The following IGFL2 variants were observed in gnomAD, a reference collection of about 807,000 sequenced individuals.
IGFL2 encodes the protein insulin growth factor-like family member 2.
In IGFL2, 7 loss-of-function variants were observed where a neutral mutation model predicts 13.9. That is an observed-to-expected ratio of 0.51 (90% CI 0.29 to 0.95). IGFL2 has a LOEUF of 0.95. IGFL2 is among the 40% of genes least tolerant of loss of function. The pLI, the probability that IGFL2 is intolerant of heterozygous loss-of-function variation, is 0.08. For missense variants in IGFL2, 138 were observed against 147.8 expected (o/e 0.93, Z 0.34); for synonymous variants, 55 against 55.8 (o/e 0.99, Z 0.07).
At chr19:46,174,643 C>T in the IGFL2 span, among the ~76,000 whole-genome samples, 13 of 152,138 alleles carry the variant, frequency 8.5e-5, no homozygotes, top group African/African-American at 2.9e-4. Flanking sequence ...ATAGGAAAGA[C>T]GTTTCCCCAG....
chr19:46,086,897 C>G, the IGFL2 span, among the ~76,000 whole-genome samples: 1 of 152,090 alleles, frequency 6.6e-6, no homozygotes, highest in African/African-American at 2.4e-5. Flanking sequence ...CTATAAACAG[C>G]ATCAGTGGTG....
At chr19:46,112,938 C>T in the IGFL2 span, 6 of 152,266 alleles carry the variant, frequency 3.9e-5, no homozygotes, top group African/African-American at 1.4e-4. Context: ...CTTCAAAACA[C>T]TTGTAAGTTT....
chr19:46,086,905 G>T, the IGFL2 span, among the ~76,000 whole-genome samples: 1 of 152,162 alleles, frequency 6.6e-6, no homozygotes, highest in African/African-American at 2.4e-5. Flanking sequence ...AGCATCAGTG[G>T]TGTCTTTCAT....
the IGFL2 span, chr19:46,113,253 C>T: frequency 7.8e-3 from 1,804 of 230,776 alleles, 26 homozygotes; most frequent in African/African-American, 0.036. Flanking sequence ...AAAATGAAGA[C>T]CTAGTACTCA....
At chr19:46,141,061 C>A (rs991172589), upstream of IGFL2, among the ~76,000 whole-genome samples, 1 of 152,110 alleles carries the variant, frequency 6.6e-6, no homozygotes, top group African/African-American at 2.4e-5. Flanking sequence ...TTTATCAGAG[C>A]CTAAGTGACC....
chr19:46,212,521 C>G, the IGFL2 span: 1 of 152,014 alleles, frequency 6.6e-6, no homozygotes, highest in Admixed American at 6.5e-5. Context: ...TCTGTTTTTT[C>G]GTCCTGACCC....
the IGFL2 span, among the ~76,000 whole-genome samples, chr19:46,079,712 A>C: frequency 6.6e-6 from 1 of 150,676 alleles, no homozygotes; most frequent in East Asian, 2.0e-4. Context: ...GAAACTTTTC[A>C]TGGTGGATGA....
At chr19:46,096,001 G>A in the IGFL2 span, among the ~76,000 whole-genome samples, 1 of 152,108 alleles carries the variant, frequency 6.6e-6, no homozygotes, top group Non-Finnish European at 1.5e-5. Context: ...TGGCTATATG[G>A]GCTCTTTTTT....
the IGFL2 span, among the ~76,000 whole-genome samples, chr19:46,126,541 A>T: frequency 3.3e-5 from 5 of 152,128 alleles, no homozygotes; most frequent in Non-Finnish European, 7.4e-5. Flanking sequence ...AAAATGTGAT[A>T]CTCTTCATCT....
upstream of IGFL2, among the ~76,000 whole-genome samples, chr19:46,141,327 C>T (rs775722797): frequency 2.6e-4 from 39 of 152,224 alleles, no homozygotes; most frequent in South Asian, 4.2e-4. Flanking sequence ...AATAGTGTGC[C>T]GGAAAACGCT....
the IGFL2 span, chr19:46,195,885 C>T: frequency 1.3e-5 from 2 of 152,488 alleles, no homozygotes; most frequent in East Asian, 3.9e-4. Flanking sequence ...CGTGTCTCGA[C>T]TCTAGACTCA....
At chr19:46,187,498 G>A in the IGFL2 span, among the ~76,000 whole-genome samples, 1 of 141,404 alleles carries the variant, frequency 7.1e-6, no homozygotes, top group South Asian at 2.4e-4. Context: ...CTGAGGTTGT[G>A]CTGCTGGTGT....
chr19:46,079,995 A>T, the IGFL2 span, among the ~76,000 whole-genome samples: 2 of 151,994 alleles, frequency 1.3e-5, no homozygotes, highest in African/African-American at 4.8e-5. Context: ...TAACCGTGAT[A>T]AGTTGGAAAA....
the IGFL2 span, among the ~76,000 whole-genome samples, chr19:46,176,224 T>C: frequency 6.7e-6 from 1 of 149,212 alleles, no homozygotes; most frequent in African/African-American, 2.5e-5. Context: ...AAGGATCCAA[T>C]TGGATGACTA....
At chr19:46,186,457 A>G in the IGFL2 span, among the ~76,000 whole-genome samples, 19 of 152,294 alleles carry the variant, frequency 1.2e-4, no homozygotes, top group East Asian at 3.7e-3. Context: ...ACCCCATGCT[A>G]TTGTGGAATA....
chr19:46,110,372 A>G, the IGFL2 span, among the ~76,000 whole-genome samples: 1 of 152,228 alleles, frequency 6.6e-6, no homozygotes, highest in Non-Finnish European at 1.5e-5. Flanking sequence ...GATTCCTGCA[A>G]CAACACAATC....
upstream of IGFL2, chr19:46,142,975 C>G (rs1972925456): frequency 6.6e-6 from 1 of 152,210 alleles, no homozygotes; most frequent in Non-Finnish European, 1.5e-5. Flanking sequence ...CATTTAACTC[C>G]TATAAATGCA....
At chr19:46,135,839 C>T in the IGFL2 span, among the ~76,000 whole-genome samples, 86 of 152,314 alleles carry the variant, frequency 5.6e-4, 1 homozygote, top group South Asian at 0.016. Flanking sequence ...TCTTGGCTTC[C>T]AGACTTCACC....
At chr19:46,148,154 T>A, upstream of IGFL2, 1 of 769,024 alleles carries the variant, frequency 1.3e-6, no homozygotes, top group South Asian at 1.8e-5. Context: ...CCCCACCCTT[T>A]CCAAGAGGCC....
Sources: gnomAD v4.1 joint callset for allele counts (sites outside exome capture counted in the v4.1 genomes callset) on GRCh38, gnomAD v4.1.1 for gene constraint, MANE v1.5 for transcripts, NCBI Gene and HGNC (gene_info 2026-07-23, HGNC 2026-07-21) for gene names.